The following FANCL variants were observed in gnomAD, a reference collection of about 807,000 sequenced individuals.
The protein encoded by FANCL is FA complementation group L.
Under a neutral mutation model 59.4 loss-of-function variants are expected in FANCL, and 69 were observed. That is an observed-to-expected ratio of 1.16 (90% CI 0.96 to 1.42). The LOEUF is 1.42. Ranked by LOEUF, FANCL falls within the 40% of genes most tolerant of loss-of-function variation. The pLI is 0.00. For missense variants in FANCL, 519 were observed against 447.2 expected, an observed-to-expected ratio of 1.16 and a Z score of -1.45; for synonymous variants, 180 against 147.1, an observed-to-expected ratio of 1.22 and a Z score of -1.62.
intron 1 of FANCL, among the ~76,000 whole-genome samples, chr2:58,234,092 T>C (rs1218673550): frequency 2.0e-5 from 3 of 151,992 alleles, no homozygotes; most frequent in Admixed American, 2.0e-4. Context: ...AAAACGTCCA[T>C]GAATACAAAG....
intron 7 of FANCL, among the ~76,000 whole-genome samples, chr2:58,193,711 G>C (rs1423854458): frequency 3.9e-5 from 6 of 152,054 alleles, no homozygotes; most frequent in Admixed American, 3.9e-4. Flanking sequence ...GAAAGAAAAA[G>C]AATCCAGTTG....
Position 58,162,927 on chromosome 2 carries a change from A to G in FANCL, c.842T>C (p.Leu281Ser), listed in dbSNP as rs935920468. Reference protein sequence around the residue: ...IHLWDPENSVLQNLKDVLEID... With the variant: ...IHLWDPENSVSQNLKDVLEID... The stretch of plus-strand genomic sequence containing the variant: ...TTCTAAAACATCTTTCAAATTTTGT[A>G]ACACACTATTTTCTGGATCCCTGAA... The change falls in exon 11 of 14, where the codon TTA becomes TCA. Residue 281 changes from leucine to serine, a missense_variant. Coordinates refer to ENST00000233741, the MANE Select transcript of FANCL (RefSeq NM_018062.4). The G allele has an allele frequency of 3.2e-5, 52 of 1,613,062 alleles. No homozygotes were observed. Among genetic ancestry groups the G allele is most frequent in the Non-Finnish European group, 3.9e-5 (46 of 1,179,232 alleles).
chr2:58,203,155 C>T (rs927971265), intron 6 of FANCL, among the ~76,000 whole-genome samples: 3 of 151,580 alleles, frequency 2.0e-5, no homozygotes, highest in African/African-American at 7.3e-5. Context: ...CAAGACTTAT[C>T]ACATATGGAT....
At chr2:58,166,753 C>A (rs1365779039) in intron 7 of FANCL, among the ~76,000 whole-genome samples, 4 of 152,176 alleles carry the variant, frequency 2.6e-5, no homozygotes, top group African/African-American at 9.7e-5. Flanking sequence ...ATATGATACA[C>A]CCTAAGATGA....
intron 6 of FANCL, among the ~76,000 whole-genome samples, chr2:58,201,341 A>G (rs1689999824): frequency 6.6e-6 from 1 of 151,986 alleles, no homozygotes; most frequent in Admixed American, 6.6e-5. Context: ...ATAGTTCTCC[A>G]AATCTCATTT....
At chr2:58,171,584 G>A (rs529509417) in intron 7 of FANCL, among the ~76,000 whole-genome samples, 16 of 152,240 alleles carry the variant, frequency 1.1e-4, no homozygotes, top group African/African-American at 3.9e-4. Context: ...ATGAACCCAG[G>A]AGCTGGTTTT....
At chr2:58,168,859 G>A (rs777569280) in intron 7 of FANCL, among the ~76,000 whole-genome samples, 14 of 152,114 alleles carry the variant, frequency 9.2e-5, no homozygotes, top group Non-Finnish European at 1.3e-4. Context: ...AGAGCTCACC[G>A]CAGCTCAGCA....
In FANCL at chr2:58,176,130, G is replaced by A. The variant is rs566170805; in HGVS notation, c.541-10256C>T. 4.6e-5 allele frequency among the ~76,000 whole-genome samples: 7 copies of A among 151,580 alleles called. No homozygotes were observed. The East Asian group carries it at 1.2e-3, about 25-fold the overall frequency. ...AACCACTGCTCAAGGAAATAAAAGA[G>A]GATACAAACAAATGGAAGAACATTC... On this transcript the variant is annotated intron_variant, in intron 7 of 13. Transcript: ENST00000233741.
Position 58,183,118 on chromosome 2 carries a change from A to C in FANCL, c.540+15476T>G, listed in dbSNP as rs1442349001. Among the ~76,000 whole-genome samples the C allele has an allele frequency of 2.0e-5, 3 of 151,844 alleles. No homozygotes were observed. The South Asian group carries it at 6.2e-4, about 31-fold the overall frequency. On this transcript the variant is annotated intron_variant, in intron 7 of 13. Coordinates refer to ENST00000233741, the MANE Select transcript of FANCL (RefSeq NM_018062.4). The stretch of plus-strand genomic sequence containing the variant: ...CACAGCCTAATGAAACAATAGCAAA[A>C]TATCTGTACCATATTGGACAAAGGA...
At chr2:58,199,902 A>G (rs1380471309) in intron 6 of FANCL, among the ~76,000 whole-genome samples, 1 of 152,058 alleles carries the variant, frequency 6.6e-6, no homozygotes, top group Admixed American at 6.5e-5. Context: ...AAAAGGGAAG[A>G]AAAAAATCAC....
At chr2:58,196,311 C>T (rs1558780885) in intron 7 of FANCL, among the ~76,000 whole-genome samples, 1 of 151,784 alleles carries the variant, frequency 6.6e-6, no homozygotes, top group East Asian at 1.9e-4. Context: ...ATTTTTAAGA[C>T]AAAGAGAAAT....
chr2:58,217,189 TATA>T (rs1558806653), intron 5 of FANCL, among the ~76,000 whole-genome samples: 16 of 4,212 alleles, frequency 3.8e-3, no homozygotes, highest in African/African-American at 0.023. Context: ...TATATATATA[TATA>T]TATATATATA....
rs1684773739 is a variant in FANCL, at chr2:58,159,646, A to T, written c.*119T>A. On this transcript the variant is annotated 3_prime_UTR_variant, in exon 14 of 14. Transcript: ENST00000233741. ...AGATGTTTATTATTATCGCATCATCATACCTGTCCTTTTGATGTTAGTATT... is the reference window on the plus strand; with the variant it reads ...AGATGTTTATTATTATCGCATCATCTTACCTGTCCTTTTGATGTTAGTATT... 1.2e-6 allele frequency: 2 copies of T among 1,613,526 alleles called. No homozygotes were observed. Among genetic ancestry groups the T allele is most frequent in the Non-Finnish European group, 1.7e-6 (2 of 1,179,710 alleles).
intron 1 of FANCL, among the ~76,000 whole-genome samples, chr2:58,238,455 C>T (rs903274546): frequency 8.5e-5 from 13 of 152,124 alleles, no homozygotes; most frequent in Non-Finnish European, 1.3e-4. Flanking sequence ...ACATAGAGAG[C>T]ATCATTACAG....
intron 12 of FANCL, among the ~76,000 whole-genome samples, chr2:58,161,019 C>T (rs1214619455): frequency 6.6e-6 from 1 of 151,964 alleles, no homozygotes; most frequent in East Asian, 1.9e-4. Context: ...AGTGGCATTG[C>T]CTGAGTGCTG....
At position 58,206,245 on chromosome 2, in the gene FANCL, G is replaced by A. The variant is rs1275186514; in HGVS notation, c.375-2019C>T. Among the ~76,000 whole-genome samples, 4 of 152,002 alleles carry A rather than the reference G, an allele frequency of 2.6e-5. No individual in the cohort carries two copies. The East Asian group carries it at 7.7e-4, about 29-fold the overall frequency. ...AAAAATAAAAAAGAAAAGCAAAAGAGAAATAATACATTAGCTAAATTCTTT... is the reference window on the plus strand; with the variant it reads ...AAAAATAAAAAAGAAAAGCAAAAGAAAAATAATACATTAGCTAAATTCTTT... On this transcript the variant is annotated intron_variant, in intron 5 of 13. Transcript: ENST00000233741.
chr2:58,187,607 G>GC (rs1466917375), intron 7 of FANCL, among the ~76,000 whole-genome samples: 3 of 151,734 alleles, frequency 2.0e-5, no homozygotes, highest in African/African-American at 7.3e-5. Flanking sequence ...GAAGTTGGAA[G>GC]CAAGAATTAC....
At chr2:58,220,734 T>C (rs551375595) in intron 5 of FANCL, among the ~76,000 whole-genome samples, 11 of 152,244 alleles carry the variant, frequency 7.2e-5, no homozygotes, top group African/African-American at 2.2e-4. Flanking sequence ...GGCCAACTCA[T>C]AGAAAATAGC....
At chr2:58,210,668 A>G (rs1691053398) in intron 5 of FANCL, among the ~76,000 whole-genome samples, 1 of 152,164 alleles carries the variant, frequency 6.6e-6, no homozygotes, top group African/African-American at 2.4e-5. Context: ...TAAAATCAAA[A>G]GCAAGTTAGT....
Sources: allele counts gnomAD v4.1 joint callset (sites outside exome capture counted in the v4.1 genomes callset), GRCh38; gene constraint gnomAD v4.1.1; transcripts MANE v1.5; gene names NCBI Gene and HGNC (gene_info 2026-07-23, HGNC 2026-07-21).